The following CCDC73 variants were observed in gnomAD, a reference collection of about 807,000 sequenced individuals.
CCDC73 encodes the protein coiled-coil domain containing 73.
In CCDC73, 95 loss-of-function variants were observed where a neutral mutation model predicts 116.5. That is an observed-to-expected ratio of 0.82 (90% CI 0.69 to 0.97). The LOEUF (loss-of-function observed/expected upper bound fraction) is 0.97. Ranked by LOEUF, CCDC73 falls within the 50% of genes least tolerant of loss-of-function variation. CCDC73 has a pLI of 0.00. For synonymous variants in CCDC73, 398 were observed against 401.3 expected (o/e 0.99, Z 0.10); for missense variants, 1,066 against 1,206.8 (o/e 0.88, Z 1.73).
intron 14 of CCDC73, among the ~76,000 whole-genome samples, chr11:32,630,573 C>T (rs930951224): frequency 6.6e-6 from 1 of 152,120 alleles, no homozygotes; most frequent in East Asian, 1.9e-4. Flanking sequence ...GAACTCCTCA[C>T]CTCAAGTGAT....
intron 2 of CCDC73, among the ~76,000 whole-genome samples, chr11:32,745,383 G>A (rs1373915681): frequency 6.6e-6 from 1 of 152,198 alleles, no homozygotes; most frequent in Non-Finnish European, 1.5e-5. Context: ...ATATTCTGTT[G>A]ATTTGGGGCG....
intron 2 of CCDC73, among the ~76,000 whole-genome samples, chr11:32,753,201 G>T (rs1418046421): frequency 1.3e-5 from 2 of 151,910 alleles, no homozygotes; most frequent in Non-Finnish European, 2.9e-5. Flanking sequence ...CTTTATGAAG[G>T]ATAATCTCTA....
At chr11:32,626,284 T>A (rs2133233205) in intron 14 of CCDC73, among the ~76,000 whole-genome samples, 1 of 151,888 alleles carries the variant, frequency 6.6e-6, no homozygotes, top group East Asian at 1.9e-4. Context: ...GTGAAGGACC[T>A]CTTCAAGGAG....
At chr11:32,780,207 GA>G (rs1850570998) in intron 1 of CCDC73, among the ~76,000 whole-genome samples, 1 of 152,134 alleles carries the variant, frequency 6.6e-6, no homozygotes, top group Admixed American at 6.5e-5. Flanking sequence ...CCAGGAGGCA[GA>G]GGTTGCAGTG....
At chr11:32,639,739 A>G (rs1271071121) in intron 13 of CCDC73, among the ~76,000 whole-genome samples, 1 of 152,054 alleles carries the variant, frequency 6.6e-6, no homozygotes, top group Non-Finnish European at 1.5e-5. Context: ...ATGAGCCACC[A>G]CACCCGGCCA....
At chr11:32,722,363 T>C (rs1423378818) in intron 2 of CCDC73, among the ~76,000 whole-genome samples, 1 of 152,198 alleles carries the variant, frequency 6.6e-6, no homozygotes, top group Non-Finnish European at 1.5e-5. Flanking sequence ...TGGCCATAAC[T>C]GGGTCACATA....
the CCDC73 span, among the ~76,000 whole-genome samples, chr11:32,803,502 G>C: frequency 2.0e-5 from 3 of 152,220 alleles, no homozygotes; most frequent in Admixed American, 2.0e-4. Context: ...TTAGTTCATA[G>C]GATTCAATTA....
chr11:32,748,536 ATTT>A (rs953442902), intron 2 of CCDC73, among the ~76,000 whole-genome samples: 2 of 152,104 alleles, frequency 1.3e-5, no homozygotes, highest in Non-Finnish European at 2.9e-5. Context: ...TGTAGTTATT[ATTT>A]TTAATTGGTT....
chr11:32,630,798 A>G (rs184963602), intron 14 of CCDC73, among the ~76,000 whole-genome samples: 31 of 152,246 alleles, frequency 2.0e-4, no homozygotes, highest in African/African-American at 7.5e-4. Flanking sequence ...CAAAAAAAAG[A>G]GAACATTAAA....
rs117813439 is a variant in CCDC73, at chr11:32,741,821, C to T, written c.135+18288G>A. On this transcript the variant is annotated intron_variant, in intron 2 of 17. Coordinates refer to ENST00000335185, the MANE Select transcript of CCDC73 (RefSeq NM_001008391.4). ...TTATCCCTCCCCTAGTCACCCACCC[C>T]CCACAGGCCCCTGTGTGTGATGTTC... 3.5e-3 allele frequency among the ~76,000 whole-genome samples: 531 copies of T among 152,100 alleles called. 3 individuals carry two copies. Among genetic ancestry groups the T allele is most frequent in the Non-Finnish European group, 4.7e-3 (321 of 67,972 alleles).
At chr11:32,693,892 C>T (rs1443705312) in intron 6 of CCDC73, among the ~76,000 whole-genome samples, 1 of 152,204 alleles carries the variant, frequency 6.6e-6, no homozygotes, top group South Asian at 2.1e-4. Flanking sequence ...TCTCAATAAA[C>T]TAGGTATTGA....
the CCDC73 span, among the ~76,000 whole-genome samples, chr11:32,806,712 G>C: frequency 6.6e-6 from 1 of 151,912 alleles, no homozygotes; most frequent in Admixed American, 6.6e-5. Context: ...AGCCTCCCCA[G>C]GTCCAAATCA....
chr11:32,783,738 T>C (rs1850602965), intron 1 of CCDC73, among the ~76,000 whole-genome samples: 2 of 152,160 alleles, frequency 1.3e-5, no homozygotes, highest in African/African-American at 4.8e-5. Flanking sequence ...CACCAAATAC[T>C]ACCACACTGG....
At chr11:32,667,191 G>T (rs142109037) in intron 9 of CCDC73, among the ~76,000 whole-genome samples, 2,073 of 152,300 alleles carry the variant, frequency 0.014, 56 homozygotes, top group African/African-American at 0.047. Flanking sequence ...CTTCGAAGCT[G>T]TCAGACAGGG....
At chr11:32,623,218 G>A (rs886407784) in intron 14 of CCDC73, among the ~76,000 whole-genome samples, 2 of 152,084 alleles carry the variant, frequency 1.3e-5, no homozygotes, top group East Asian at 3.9e-4. Context: ...TGTTGGCCAG[G>A]CTGCTCTTGA....
intron 1 of CCDC73, among the ~76,000 whole-genome samples, chr11:32,763,739 C>A (rs1255534099): frequency 1.3e-5 from 2 of 152,200 alleles, no homozygotes; most frequent in Non-Finnish European, 2.9e-5. Context: ...AGCTCCTCGC[C>A]AGCAAAGGAA....
intron 14 of CCDC73, among the ~76,000 whole-genome samples, chr11:32,628,622 A>G (rs1036362203): frequency 6.6e-6 from 1 of 152,218 alleles, no homozygotes; most frequent in African/African-American, 2.4e-5. Context: ...GGGCTATTCT[A>G]GATGCTTCCA....
At chr11:32,720,283 G>A (rs911540612) in intron 2 of CCDC73, among the ~76,000 whole-genome samples, 7 of 152,010 alleles carry the variant, frequency 4.6e-5, no homozygotes, top group African/African-American at 7.2e-5. Flanking sequence ...TCATATGATC[G>A]CATCAACCAA....
chr11:32,603,127 G>T, intron 17 of CCDC73, 107 bp from the exon 18 acceptor site: 1 of 853,990 alleles, frequency 1.2e-6, no homozygotes, highest in Non-Finnish European at 1.8e-6. Context: ...ACCATCTCTT[G>T]GCTGATTTCC....
Sources: gnomAD v4.1 joint callset for allele counts (sites outside exome capture counted in the v4.1 genomes callset) on GRCh38, gnomAD v4.1.1 for gene constraint, MANE v1.5 for transcripts, NCBI Gene and HGNC (gene_info 2026-07-23, HGNC 2026-07-21) for gene names.